Variants in RFX3 observed in about 807,000 individuals in gnomAD.
The protein encoded by RFX3 is regulatory factor X3.
In RFX3, 14 loss-of-function variants were observed where a neutral mutation model predicts 98.6. The observed-to-expected ratio is 0.14, with a 90% CI of 0.09 to 0.22. The LOEUF is 0.22. Ranked by LOEUF, RFX3 falls within the 10% of genes least tolerant of loss-of-function variation. The pLI is 1.00. For synonymous variants in RFX3, 383 were observed against 328.4 expected (o/e 1.17, Z -1.80); for missense variants, 639 against 926.9 (o/e 0.69, Z 4.03).
At chr9:3,266,935 C>A (rs1038767146) in intron 11 of RFX3, among the ~76,000 whole-genome samples, 1 of 151,886 alleles carries the variant, frequency 6.6e-6, no homozygotes, top group East Asian at 1.9e-4. Context: ...TACGGAAACC[C>A]GTATTCTTAA....
chr9:3,355,436 A>G (rs945508559), intron 2 of RFX3, among the ~76,000 whole-genome samples: 3 of 151,938 alleles, frequency 2.0e-5, no homozygotes, highest in Admixed American at 2.0e-4. Context: ...AGTAGACTTC[A>G]GGACAAAGAA....
chr9:3,355,870 G>A (rs1835688773), intron 2 of RFX3, among the ~76,000 whole-genome samples: 1 of 151,566 alleles, frequency 6.6e-6, no homozygotes, highest in South Asian at 2.1e-4. Context: ...CGAAATCGAG[G>A]ACAAAAAGAT....
chr9:3,291,886 A>G (rs1827404795), intron 6 of RFX3, among the ~76,000 whole-genome samples: 2 of 151,692 alleles, frequency 1.3e-5, no homozygotes, highest in Admixed American at 1.3e-4. Context: ...GTGAAACCCC[A>G]TCTCTACTAA....
chr9:3,519,252 G>C (rs1818468643), intron 1 of RFX3, among the ~76,000 whole-genome samples: 1 of 152,106 alleles, frequency 6.6e-6, no homozygotes. Flanking sequence ...CTTTGGGCTA[G>C]CATTCTATTA....
At chr9:3,274,925 T>C (rs1051736046) in intron 9 of RFX3, among the ~76,000 whole-genome samples, 3 of 152,022 alleles carry the variant, frequency 2.0e-5, no homozygotes, top group African/African-American at 7.2e-5. Context: ...TATATACACA[T>C]ACATAAACAC....
intron 1 of RFX3, among the ~76,000 whole-genome samples, chr9:3,415,615 T>A (rs910958036): frequency 6.6e-6 from 1 of 152,170 alleles, no homozygotes; most frequent in African/African-American, 2.4e-5. Flanking sequence ...CAACAAGGAC[T>A]AATCCCCTAA....
chr9:3,506,860 T>A (rs111742830), intron 1 of RFX3, among the ~76,000 whole-genome samples: 64 of 151,992 alleles, frequency 4.2e-4, no homozygotes, highest in African/African-American at 1.4e-3. Flanking sequence ...GCCATTAAAT[T>A]CATTTTGGAA....
chr9:3,286,058 C>T (rs1429105516), intron 7 of RFX3, among the ~76,000 whole-genome samples: 1 of 151,798 alleles, frequency 6.6e-6, no homozygotes, highest in African/African-American at 2.4e-5. Context: ...TAATGGGCTT[C>T]AACTGTCTTA....
chr9:3,492,698 T>TGCA (rs878968653), intron 1 of RFX3, among the ~76,000 whole-genome samples: 1 of 152,280 alleles, frequency 6.6e-6, no homozygotes, highest in Admixed American at 6.5e-5. Flanking sequence ...GGAGGTAGAC[T>TGCA]GCAGGACACA....
chr9:3,512,962 T>A (rs1465797044), intron 1 of RFX3, among the ~76,000 whole-genome samples: 19 of 152,082 alleles, frequency 1.2e-4, no homozygotes, highest in Admixed American at 1.2e-3. Flanking sequence ...CCCTCTACAA[T>A]TGGAAACCTT....
chr9:3,425,456 A>G (rs76855771), intron 1 of RFX3, among the ~76,000 whole-genome samples: 4,930 of 152,296 alleles, frequency 0.032, 298 homozygotes, highest in African/African-American at 0.11. Context: ...CAGATTCAGC[A>G]AAACCTTATG....
At chr9:3,355,362 A>T (rs1186742527) in intron 2 of RFX3, among the ~76,000 whole-genome samples, 1 of 151,884 alleles carries the variant, frequency 6.6e-6, no homozygotes, top group Non-Finnish European at 1.5e-5. Flanking sequence ...AAGGATATAA[A>T]GAGATAAATC....
rs186452723 is a variant in RFX3 at position 3,496,803 on chromosome 9, G to C, written c.-9+28944C>G. On this transcript the variant is annotated intron_variant, in intron 1 of 16. Transcript: ENST00000617270. The stretch of plus-strand genomic sequence containing the variant: ...ACATTTTTCCCTAACAATTTTGCAA[G>C]CTAACACACTTCATGCAAGATGCAT... 3.3e-5 allele frequency among the ~76,000 whole-genome samples: 5 copies of C among 151,974 alleles called. No individual in the cohort carries two copies. In the East Asian group the frequency reaches 7.7e-4, roughly 23 times the overall value.
chr9:3,439,757 A>G (rs181068975), intron 1 of RFX3, among the ~76,000 whole-genome samples: 2 of 152,138 alleles, frequency 1.3e-5, no homozygotes, highest in Admixed American at 1.3e-4. Flanking sequence ...TGCAGAGGAG[A>G]GAATACTTCC....
At chr9:3,468,685 T>A (rs1337351521) in intron 1 of RFX3, among the ~76,000 whole-genome samples, 1 of 152,086 alleles carries the variant, frequency 6.6e-6, no homozygotes, top group African/African-American at 2.4e-5. Context: ...TCCATTTGCT[T>A]TCTTTGTTAA....
chr9:3,301,484 G>T, intron 5 of RFX3, 62 bp downstream of exon 5: 2 of 1,116,886 alleles, frequency 1.8e-6, no homozygotes, highest in Non-Finnish European at 2.7e-6. Flanking sequence ...CAAGCATTTA[G>T]AGGCAAGCAA....
Position 3,238,628 on chromosome 9 carries a change from T to A in RFX3, c.1968+9404A>T, listed in dbSNP as rs188031017. On this transcript the variant is annotated intron_variant, in intron 15 of 16. Transcript: ENST00000617270. ...ATTTGGAACTTCCTGACTCAATGCTTCTCTTTTCAGCATTCCATACTTAAC... is the reference window on the plus strand; with the variant it reads ...ATTTGGAACTTCCTGACTCAATGCTACTCTTTTCAGCATTCCATACTTAAC... Among the ~76,000 whole-genome samples, 5 of 152,260 alleles carry A rather than the reference T, an allele frequency of 3.3e-5. No individual in the cohort carries two copies. In the East Asian group the frequency reaches 9.6e-4, roughly 29 times the overall value.
intron 1 of RFX3, among the ~76,000 whole-genome samples, chr9:3,424,050 G>C (rs898416770): frequency 2.6e-5 from 4 of 151,202 alleles, no homozygotes; most frequent in Middle Eastern, 3.4e-3. Context: ...GGGAGGCTGA[G>C]GCAGGAGAAT....
intron 4 of RFX3, among the ~76,000 whole-genome samples, chr9:3,313,527 G>A (rs577980218): frequency 7.2e-5 from 11 of 152,334 alleles, no homozygotes; most frequent in South Asian, 2.1e-4. Flanking sequence ...TAATTTTGAC[G>A]AGTTGAGAGA....
Sources: allele counts gnomAD v4.1 joint callset (sites outside exome capture counted in the v4.1 genomes callset), GRCh38; gene constraint gnomAD v4.1.1; transcripts MANE v1.5; gene names NCBI Gene and HGNC (gene_info 2026-07-23, HGNC 2026-07-21).